RAI2: variants seen among roughly 807,000 people sequenced by gnomAD.
RAI2 encodes the protein retinoic acid-induced protein 2.
In RAI2, 5 loss-of-function variants were observed where a neutral mutation model predicts 15.3. The ratio of observed to expected loss-of-function variants is 0.33; its 90% CI spans 0.17 to 0.69. The LOEUF is 0.69. Ranked by LOEUF, RAI2 falls within the 30% of genes least tolerant of loss-of-function variation. RAI2 has a pLI of 0.69. For synonymous variants in RAI2, 191 were observed against 184.0 expected, an observed-to-expected ratio of 1.04 and a Z score of -0.31; for missense variants, 424 against 424.7, an observed-to-expected ratio of 1.00 and a Z score of 0.01.
At chrX:17,831,778 A>G (rs757887502) in intron 1 of RAI2, among the ~76,000 whole-genome samples, 5 of 112,333 alleles carry the variant, frequency 4.5e-5, no homozygotes, top group African/African-American at 1.6e-4. Context: ...ATAGACCTAA[A>G]TCTGTCTATT....
At chrX:17,818,508 G>GT (rs2067129656) in intron 1 of RAI2, among the ~76,000 whole-genome samples, 1 of 2,092 alleles carries the variant, frequency 4.8e-4, no homozygotes. Context: ...CTAGAAATGT[G>GT]TGTTTTTTTT....
At chrX:17,856,569 C>CA (rs777264536) in intron 1 of RAI2, among the ~76,000 whole-genome samples, 29 of 112,526 alleles carry the variant, frequency 2.6e-4, no homozygotes, top group Non-Finnish European at 3.6e-4. Context: ...ATTTATAAGT[C>CA]ACCCAGCCTA....
At chrX:17,802,224 C>T (rs749645491) in intron 1 of RAI2, among the ~76,000 whole-genome samples, 190 bp from the exon 2 acceptor site, 1 of 112,050 alleles carries the variant, frequency 8.9e-6, no homozygotes, top group Non-Finnish European at 1.9e-5. Context: ...ATCCTGTGTG[C>T]GTGGAGAACC....
chrX:17,817,339 G>A (rs1451771412), intron 1 of RAI2, among the ~76,000 whole-genome samples: 1 of 111,399 alleles, frequency 9.0e-6, no homozygotes, highest in Admixed American at 9.5e-5. Flanking sequence ...AGCAGCCCAA[G>A]TACTCACAGC....
intron 1 of RAI2, among the ~76,000 whole-genome samples, chrX:17,823,454 A>C (rs1053581541): frequency 8.9e-6 from 1 of 112,076 alleles, no homozygotes; most frequent in Admixed American, 9.5e-5. Flanking sequence ...CTATTCAAAC[A>C]TAAGCCTGGC....
chrX:17,837,738 G>C (rs1167545576), intron 1 of RAI2: 1 of 112,279 alleles, frequency 8.9e-6, no homozygotes, highest in Non-Finnish European at 1.9e-5. Context: ...AGCCTGCTGG[G>C]TTAAGTTGGG....
intron 1 of RAI2, among the ~76,000 whole-genome samples, chrX:17,827,225 A>T (rs1471232381): frequency 9.0e-6 from 1 of 111,605 alleles, no homozygotes; most frequent in Non-Finnish European, 1.9e-5. Context: ...TAGTGCAGAG[A>T]GGGAGGGAGT....
chrX:17,859,778 A>C (rs2067664213), intron 1 of RAI2, among the ~76,000 whole-genome samples: 1 of 111,531 alleles, frequency 9.0e-6, no homozygotes, highest in African/African-American at 3.3e-5. Context: ...CACAGGTGAG[A>C]GCTACCAACA....
chrX:17,821,169 T>C (rs2067160785), intron 1 of RAI2, among the ~76,000 whole-genome samples: 1 of 112,476 alleles, frequency 8.9e-6, no homozygotes, highest in Non-Finnish European at 1.9e-5. Flanking sequence ...CATGGTCCAC[T>C]TTTTTGGTTT....
At chrX:17,837,588 T>C (rs2067349233) in intron 1 of RAI2, 1 of 111,894 alleles carries the variant, frequency 8.9e-6, no homozygotes, top group South Asian at 3.7e-4. Flanking sequence ...AACTCTGAAG[T>C]TCTCAGAAAT....
chrX:17,811,746 T>C (rs2067052045), intron 1 of RAI2, among the ~76,000 whole-genome samples: 1 of 111,534 alleles, frequency 9.0e-6, no homozygotes, highest in Admixed American at 9.4e-5. Context: ...TGCCACCCTT[T>C]GGCATGGAGA....
At position 17,847,258 on chromosome X, in the gene RAI2, C is replaced by T. The variant is rs142783499; in HGVS notation, c.-25+13840G>A. ...CCCCATCCGCTGCACTCCTCTACTT[C>T]GGTTCTTCCTTGCCTCTCTTTCTGG... is the stretch of plus-strand genomic sequence containing the variant. On this transcript the variant is annotated intron_variant, in intron 1 of 1. Coordinates refer to ENST00000451717, the MANE Select transcript of RAI2 (RefSeq NM_021785.6). 2.5e-3 allele frequency among the ~76,000 whole-genome samples: 286 copies of T among 112,414 alleles called. 4 individuals carry two copies. The highest frequency in any genetic ancestry group is 8.5e-3 in the African/African-American group (263 of 30,978).
At chrX:17,806,018 G>A (rs1197729601) in intron 1 of RAI2, among the ~76,000 whole-genome samples, 1 of 112,422 alleles carries the variant, frequency 8.9e-6, no homozygotes, top group Non-Finnish European at 1.9e-5. Flanking sequence ...GTCAGCAGCT[G>A]AGGTGGTCTG....
At chrX:17,852,897 A>G (rs2067552873) in intron 1 of RAI2, among the ~76,000 whole-genome samples, 1 of 111,265 alleles carries the variant, frequency 9.0e-6, no homozygotes, top group Non-Finnish European at 1.9e-5. Flanking sequence ...TCTCAATAGT[A>G]CTGGAAAACA....
chrX:17,849,910 C>T (rs1036355445), intron 1 of RAI2, among the ~76,000 whole-genome samples: 3 of 112,273 alleles, frequency 2.7e-5, no homozygotes, highest in African/African-American at 9.7e-5. Flanking sequence ...TTTCTTCTCT[C>T]TCTTTCTCTC....
chrX:17,808,332 G>A (rs2067005529), intron 1 of RAI2, among the ~76,000 whole-genome samples: 1 of 110,428 alleles, frequency 9.1e-6, no homozygotes, highest in African/African-American at 3.3e-5. Context: ...AGGGCCCCAG[G>A]AGATGTGTAT....
At chrX:17,860,838 A>G (rs1389461845) in intron 1 of RAI2, 1 of 104,084 alleles carries the variant, frequency 9.6e-6, no homozygotes, top group East Asian at 3.1e-4. Flanking sequence ...CCCGCCGGCC[A>G]GTGCGCGGCG....
intron 1 of RAI2, among the ~76,000 whole-genome samples, chrX:17,805,972 T>G (rs1471348885): frequency 8.9e-6 from 1 of 112,078 alleles, no homozygotes; most frequent in African/African-American, 3.2e-5. Context: ...CCTCTTGCTG[T>G]TCAACCTGCC....
chrX:17,826,771 T>A (rs2067231364), intron 1 of RAI2, among the ~76,000 whole-genome samples: 1 of 111,176 alleles, frequency 9.0e-6, no homozygotes, highest in Non-Finnish European at 1.9e-5. Context: ...TCTCACAAGA[T>A]CTGATGGTTT....
Sources: gnomAD v4.1 joint callset for allele counts (sites outside exome capture counted in the v4.1 genomes callset) on GRCh38, gnomAD v4.1.1 for gene constraint, MANE v1.5 for transcripts, NCBI Gene and HGNC (gene_info 2026-07-23, HGNC 2026-07-21) for gene names.